Variants in RALY observed in about 807,000 individuals in gnomAD.
RALY encodes RALY heterogeneous nuclear ribonucleoprotein.
Under a neutral mutation model 30.7 loss-of-function variants are expected in RALY, and 15 were observed. The ratio of observed to expected loss-of-function variants is 0.49; its 90% CI spans 0.33 to 0.75. The LOEUF is 0.75. Ranked by LOEUF, RALY falls within the 30% of genes least tolerant of loss-of-function variation. RALY has a pLI of 0.02. For synonymous variants in RALY, 177 were observed against 170.8 expected (o/e 1.04, Z -0.28); for missense variants, 339 against 414.3 (o/e 0.82, Z 1.58).
In RALY at chr20:34,040,523, C is replaced by G. The variant is rs140464569; in HGVS notation, c.-10+8919C>G. On this transcript the variant is annotated intron_variant, in intron 2 of 9. Transcript: ENST00000246194. ...CTCTCCAAATCAGCCTATTCCCATT[C>G]CGAGCCACTCACAGCTCTGATCTGC... Among the ~76,000 whole-genome samples, 407 of 152,300 alleles carry G rather than the reference C, an allele frequency of 2.7e-3. 1 individual carries two copies. Among genetic ancestry groups the G allele is most frequent in the African/African-American group, 9.5e-3 (393 of 41,558 alleles).
At chr20:34,077,697 CT>C in intron 8 of RALY, 1 of 231,934 alleles carries the variant, frequency 4.3e-6, no homozygotes, top group Non-Finnish European at 8.6e-6. Context: ...ACTATTCAGG[CT>C]GAGGCCGGCA....
At chr20:34,001,933 AT>A (rs1568647124) in intron 1 of RALY, among the ~76,000 whole-genome samples, 2 of 151,814 alleles carry the variant, frequency 1.3e-5, no homozygotes, top group Admixed American at 1.3e-4. Context: ...CGCCCGGCTA[AT>A]TTTTTTGTAT....
intron 2 of RALY, among the ~76,000 whole-genome samples, chr20:34,039,894 C>T (rs930643362): frequency 7.2e-5 from 11 of 152,102 alleles, no homozygotes; most frequent in Admixed American, 2.0e-4. Flanking sequence ...GGAAGGATCA[C>T]GAGGTCAAGA....
chr20:34,020,173 G>T (rs1354659216), intron 1 of RALY, among the ~76,000 whole-genome samples: 1 of 152,218 alleles, frequency 6.6e-6, no homozygotes, highest in African/African-American at 2.4e-5. Flanking sequence ...AGATAGGCAT[G>T]TGAAGGTTCA....
At chr20:34,036,963 T>G (rs1267388251) in intron 2 of RALY, among the ~76,000 whole-genome samples, 1 of 152,210 alleles carries the variant, frequency 6.6e-6, no homozygotes, top group Non-Finnish European at 1.5e-5. Flanking sequence ...TTATTGTTTT[T>G]ATTATTTTCT....
Position 34,080,770 on chromosome 20 carries a change from A to G in RALY, c.*865A>G, listed in dbSNP as rs6119447. ...GGACAAAACCCTACCTCCTGAATGTAGGGTGTAAGATCCTGCTTACTCCAG... is the reference window on the plus strand; with the variant it reads ...GGACAAAACCCTACCTCCTGAATGTGGGGTGTAAGATCCTGCTTACTCCAG... On this transcript the variant is annotated 3_prime_UTR_variant, in exon 10 of 10. Transcript: ENST00000246194. The G allele has an allele frequency of 0.64, 96,720 of 152,190 alleles. 31,645 individuals are homozygous for G. Among genetic ancestry groups the G allele is most frequent in the South Asian group, 0.85 (4,081 of 4,824 alleles). The allele number at this position is 152,190 out of a possible 1,614,324, so 9.4% of individuals were successfully genotyped here. A position where few individuals can be genotyped will look rare whatever the true frequency, so the allele number is the denominator to read the frequency against.
At chr20:34,034,938 G>T (rs1315134177) in intron 2 of RALY, among the ~76,000 whole-genome samples, 1 of 151,998 alleles carries the variant, frequency 6.6e-6, no homozygotes, top group Non-Finnish European at 1.5e-5. Context: ...GGATCACAAG[G>T]TCAGGAGATC....
rs867123136 is a variant in RALY, at chr20:34,039,548, C to T, written c.-10+7944C>T. Reference sequence around the variant, plus strand: ...CTTGTGTTTGTACTCTAGCTTTTGCCTTTGGTACTGAGGATTTCATTTATG... The same window carrying T: ...CTTGTGTTTGTACTCTAGCTTTTGCTTTTGGTACTGAGGATTTCATTTATG... On this transcript the variant is annotated intron_variant, in intron 2 of 9. Coordinates refer to ENST00000246194, the MANE Select transcript of RALY (RefSeq NM_016732.3). 3.9e-5 allele frequency among the ~76,000 whole-genome samples: 6 copies of T among 152,248 alleles called. No individual in the cohort carries two copies. In the East Asian group the frequency reaches 5.8e-4, roughly 15 times the overall value.
At chr20:34,060,111 A>G (rs1448900441) in intron 2 of RALY, among the ~76,000 whole-genome samples, 1 of 152,204 alleles carries the variant, frequency 6.6e-6, no homozygotes. Context: ...ACACTTGAAG[A>G]GACTTTATCG....
At position 34,075,980 on chromosome 20, in the gene RALY, G is replaced by C; in HGVS notation, c.484G>C (p.Val162Leu). The change falls in exon 6 of 10, where the codon GTA (valine) becomes CTA (leucine). Residue 162 changes from valine to leucine, a missense_variant. Physicochemically the swap from Val to Leu is conservative, Grantham distance 32. Around this residue, in one of 2 missense-constraint regions of RALY, gnomAD observed 268 missense variants for 280.6 expected, o/e 0.95. Transcript: ENST00000246194. ...TTTGGTCCGGCGTGTCAAAACTAAC[G>C]TACCTGTCAAGCTCTTTGCCCGCTC... ...VPLVRRVKTNVPVKLFARSTA... is the reference protein window; with the variant it reads ...VPLVRRVKTNLPVKLFARSTA... 2 of 1,614,176 alleles carry C rather than the reference G, an allele frequency of 1.2e-6. No individual in the cohort carries two copies. The highest frequency in any genetic ancestry group is 1.7e-6 in the Non-Finnish European group (2 of 1,180,020).
chr20:34,036,830 T>G (rs547481998), intron 2 of RALY, among the ~76,000 whole-genome samples: 1 of 152,360 alleles, frequency 6.6e-6, no homozygotes, highest in Admixed American at 6.5e-5. Context: ...GTGTCTTTTT[T>G]TTTCTTGGTC....
intron 1 of RALY, among the ~76,000 whole-genome samples, chr20:34,023,360 C>CA (rs1241088159): frequency 6.6e-6 from 1 of 152,148 alleles, no homozygotes; most frequent in Non-Finnish European, 1.5e-5. Context: ...GGCAAGTGAA[C>CA]GGTGGTCAAA....
At chr20:34,057,678 A>AAC (rs2033291422) in intron 2 of RALY, among the ~76,000 whole-genome samples, 1 of 151,998 alleles carries the variant, frequency 6.6e-6, no homozygotes, top group Non-Finnish European at 1.5e-5. Context: ...AAAAAAAAAA[A>AAC]AAAAAAACAA....
At chr20:34,001,530 AT>A in intron 1 of RALY, among the ~76,000 whole-genome samples, 1 of 152,268 alleles carries the variant, frequency 6.6e-6, no homozygotes, top group East Asian at 1.9e-4. Context: ...TTCCAGAGGC[AT>A]TTATCTGGTA....
At position 34,063,459 on chromosome 20, in the gene RALY, G is replaced by C. The variant is rs376636292; in HGVS notation, c.-9-8607G>C. 2.6e-5 allele frequency among the ~76,000 whole-genome samples: 4 copies of C among 152,148 alleles called. No homozygotes were observed. The East Asian group carries it at 7.7e-4, about 29-fold the overall frequency. On this transcript the variant is annotated intron_variant, in intron 2 of 9. Coordinates refer to ENST00000246194, the MANE Select transcript of RALY (RefSeq NM_016732.3). ...AATGTGACTGTAGACAAATTAAGCT[G>C]TTTCTGAGTCTCAGTTGTATCTGTA...
chr20:34,055,633 CAG>C (rs1163533036), intron 2 of RALY, among the ~76,000 whole-genome samples: 2 of 152,210 alleles, frequency 1.3e-5, no homozygotes, highest in Non-Finnish European at 2.9e-5. Flanking sequence ...GACACTGAAA[CAG>C]AGTATTTTAA....
At chr20:34,047,774 A>G (rs1476171717) in intron 2 of RALY, among the ~76,000 whole-genome samples, 1 of 152,206 alleles carries the variant, frequency 6.6e-6, no homozygotes, top group African/African-American at 2.4e-5. Context: ...AATAGGTGCC[A>G]CACAGTACCA....
chr20:34,003,333 T>TA (rs570901729), intron 1 of RALY, among the ~76,000 whole-genome samples: 3 of 152,260 alleles, frequency 2.0e-5, no homozygotes, highest in South Asian at 4.1e-4. Context: ...TAGAACGTTG[T>TA]AAAATCACAT....
At chr20:34,034,918 C>T (rs1025326592) in intron 2 of RALY, among the ~76,000 whole-genome samples, 7 of 151,868 alleles carry the variant, frequency 4.6e-5, no homozygotes, top group African/African-American at 1.7e-4. Context: ...TTTGGGAGGC[C>T]GAGTCAGGTG....
Sources: allele counts gnomAD v4.1 joint callset (sites outside exome capture counted in the v4.1 genomes callset), GRCh38; gene constraint gnomAD v4.1.1; regional missense constraint gnomAD v4.1.1; transcripts MANE v1.5; gene names NCBI Gene and HGNC (gene_info 2026-07-23, HGNC 2026-07-21).